AKAP19: variants seen among roughly 807,000 people sequenced by gnomAD.
The protein encoded by AKAP19 is A-kinase anchoring protein 19.
At chr2:189,883,445 A>G in the AKAP19 span, among the ~76,000 whole-genome samples, 1 of 151,556 alleles carries the variant, frequency 6.6e-6, no homozygotes, top group African/African-American at 2.4e-5. Flanking sequence ...TGAAATCAAG[A>G]TGCTGAACTT....
the AKAP19 span, among the ~76,000 whole-genome samples, chr2:190,068,419 T>A: frequency 0.014 from 2,172 of 152,246 alleles, 18 homozygotes; most frequent in Non-Finnish European, 0.022. Context: ...AACCTCTGCC[T>A]CCCGGGTTCA....
At chr2:189,943,178 G>A in the AKAP19 span, among the ~76,000 whole-genome samples, 2 of 152,204 alleles carry the variant, frequency 1.3e-5, no homozygotes, top group Admixed American at 6.5e-5. Context: ...CACAGGCCCA[G>A]AGGCCTAGGA....
chr2:189,980,102 C>T, the AKAP19 span, among the ~76,000 whole-genome samples: 5,212 of 152,226 alleles, frequency 0.034, 284 homozygotes, highest in African/African-American at 0.11. Flanking sequence ...ATCAAAAAGA[C>T]ACCTGCACTT....
At chr2:190,196,813 A>T in the AKAP19 span, among the ~76,000 whole-genome samples, 1 of 152,176 alleles carries the variant, frequency 6.6e-6, no homozygotes, top group African/African-American at 2.4e-5. Context: ...TTGTGCTATA[A>T]TAGCAGAGCT....
chr2:190,067,395 T>G, the AKAP19 span, among the ~76,000 whole-genome samples: 3 of 152,200 alleles, frequency 2.0e-5, no homozygotes, highest in Non-Finnish European at 4.4e-5. Flanking sequence ...CTTTTTACAC[T>G]ACTTCAATTG....
chr2:190,199,726 G>A, the AKAP19 span: 3 of 1,486,074 alleles, frequency 2.0e-6, no homozygotes, highest in African/African-American at 2.8e-5. Context: ...AGTGGTGAAA[G>A]GGAACATTGA....
chr2:189,937,583 C>T, the AKAP19 span, among the ~76,000 whole-genome samples: 7 of 152,018 alleles, frequency 4.6e-5, no homozygotes, highest in African/African-American at 1.4e-4. Flanking sequence ...ATCTAATAAT[C>T]CAATTGAAAA....
At chr2:190,191,908 T>G in the AKAP19 span, among the ~76,000 whole-genome samples, 67 of 150,466 alleles carry the variant, frequency 4.5e-4, no homozygotes, top group East Asian at 9.7e-4. Context: ...ATATTTGCTG[T>G]TTTTTTTTCA....
chr2:190,176,514 AT>A, the AKAP19 span, among the ~76,000 whole-genome samples: 799 of 152,018 alleles, frequency 5.3e-3, 25 homozygotes, highest in Admixed American at 0.047. This position sits in a 1 kb window ranked among gnomAD's most constrained non-coding sequence, Gnocchi z 4.7. Flanking sequence ...CACCCGGCTA[AT>A]TTTTTTGTAT....
the AKAP19 span, among the ~76,000 whole-genome samples, chr2:189,999,160 T>C: frequency 2.7e-4 from 41 of 152,272 alleles, no homozygotes; most frequent in East Asian, 7.9e-3. Context: ...TCCAGTTTTT[T>C]TTTTGTAGAA....
At chr2:190,050,543 T>A in the AKAP19 span, among the ~76,000 whole-genome samples, 1 of 152,206 alleles carries the variant, frequency 6.6e-6, no homozygotes, top group Admixed American at 6.5e-5. Context: ...GGTGAAAGGA[T>A]GTCATCTCAT....
the AKAP19 span, among the ~76,000 whole-genome samples, chr2:190,186,325 G>T: frequency 6.6e-6 from 1 of 152,128 alleles, no homozygotes; most frequent in African/African-American, 2.4e-5. The surrounding 1 kb of genome is among the most constrained non-coding windows in gnomAD (Gnocchi z 5.5). Context: ...CTTTATTCAG[G>T]TTTATTAGAA....
chr2:189,937,646 C>T, the AKAP19 span, among the ~76,000 whole-genome samples: 47 of 151,964 alleles, frequency 3.1e-4, 1 homozygote, highest in Middle Eastern at 3.2e-3. Flanking sequence ...AATGGCAAAC[C>T]GATATATGAA....
chr2:190,048,358 A>G, the AKAP19 span, among the ~76,000 whole-genome samples: 1 of 152,176 alleles, frequency 6.6e-6, no homozygotes, highest in African/African-American at 2.4e-5. Flanking sequence ...TAGGCTCTAG[A>G]CTAACTGACA....
the AKAP19 span, among the ~76,000 whole-genome samples, chr2:190,148,331 C>T: frequency 6.6e-6 from 1 of 152,132 alleles, no homozygotes; most frequent in East Asian, 1.9e-4. Flanking sequence ...TATGTTAAAC[C>T]ATTCCTGCAT....
chr2:189,915,328 C>T, the AKAP19 span, among the ~76,000 whole-genome samples: 13 of 152,186 alleles, frequency 8.5e-5, no homozygotes, highest in South Asian at 2.1e-4. Flanking sequence ...ACCTATGTTA[C>T]GTTATTTATG....
chr2:190,106,689 A>G, the AKAP19 span, among the ~76,000 whole-genome samples: 1 of 152,154 alleles, frequency 6.6e-6, no homozygotes, highest in Non-Finnish European at 1.5e-5. Context: ...GGTATCTTAT[A>G]GCAATCATCA....
At chr2:189,922,828 T>C in the AKAP19 span, among the ~76,000 whole-genome samples, 1 of 152,190 alleles carries the variant, frequency 6.6e-6, no homozygotes, top group Admixed American at 6.5e-5. Flanking sequence ...AAGGCCATGA[T>C]GTACTTTATG....
chr2:190,109,054 T>C, the AKAP19 span, among the ~76,000 whole-genome samples: 1 of 152,178 alleles, frequency 6.6e-6, no homozygotes, highest in Admixed American at 6.5e-5. Flanking sequence ...ATAGTATCCT[T>C]GACTTAACTG....
Sources: allele counts gnomAD v4.1 joint callset (sites outside exome capture counted in the v4.1 genomes callset), GRCh38; gene constraint gnomAD v4.1.1; non-coding constraint Gnocchi (gnomAD v3.1); transcripts MANE v1.5; gene names NCBI Gene and HGNC (gene_info 2026-07-23, HGNC 2026-07-21).